NAALADL2: variants seen among roughly 807,000 people sequenced by gnomAD.
NAALADL2 encodes the protein inactive N-acetylated-alpha-linked acidic dipeptidase-like protein 2.
A neutral mutation model predicts 87.2 loss-of-function variants in NAALADL2; 76 were observed. That is an observed-to-expected ratio of 0.87 (90% CI 0.72 to 1.05). The LOEUF is 1.05. Ranked by LOEUF, NAALADL2 falls within the 50% of genes least tolerant of loss-of-function variation. The probability of loss-of-function intolerance (pLI) is 0.00; values close to 1 mark genes in which losing one functional copy is unlikely to be tolerated. For missense variants in NAALADL2, 1,089 were observed against 945.8 expected, an observed-to-expected ratio of 1.15 and a Z score of -1.99; for synonymous variants, 354 against 331.0, an observed-to-expected ratio of 1.07 and a Z score of -0.75.
At chr3:175,345,846 A>G (rs531390624) in intron 5 of NAALADL2, among the ~76,000 whole-genome samples, 1 of 152,256 alleles carries the variant, frequency 6.6e-6, no homozygotes, top group African/African-American at 2.4e-5. Flanking sequence ...GAAGACAGCA[A>G]CATGATCTTC....
chr3:174,720,786 C>T (rs1731641957), intron 2 of NAALADL2, among the ~76,000 whole-genome samples: 1 of 152,076 alleles, frequency 6.6e-6, no homozygotes, highest in South Asian at 2.1e-4. Context: ...ATTTTACTAC[C>T]AGTTTGGGTA....
rs76734994 is a variant in NAALADL2 at position 174,972,601 on chromosome 3, A to G, written c.43+113151A>G. Reference sequence around the variant, plus strand: ...TTACCTCTTTAAAAGCTGTATCCCCAAATACAATGCTATTTTAAAGTACTG... The same window carrying G: ...TTACCTCTTTAAAAGCTGTATCCCCGAATACAATGCTATTTTAAAGTACTG... On this transcript the variant is annotated intron_variant, in intron 1 of 13. Transcript: ENST00000454872. Among the ~76,000 whole-genome samples, 1,282 of 152,266 alleles carry G rather than the reference A, an allele frequency of 8.4e-3. 12 individuals are homozygous for G. The highest frequency in any genetic ancestry group is 0.027 in the African/African-American group (1,137 of 41,534).
intron 2 of NAALADL2, among the ~76,000 whole-genome samples, chr3:174,710,469 G>T (rs543602297): frequency 6.6e-6 from 1 of 152,132 alleles, no homozygotes; most frequent in South Asian, 2.1e-4. Flanking sequence ...GGCCAGGCTG[G>T]CCTTGAACTC....
At chr3:175,762,881 G>A (rs1347667151) in intron 13 of NAALADL2, among the ~76,000 whole-genome samples, 2 of 152,036 alleles carry the variant, frequency 1.3e-5, no homozygotes, top group African/African-American at 4.8e-5. Context: ...TCGGGAGACC[G>A]AGACCATCCT....
At chr3:174,835,133 T>C (rs1458659138) in intron 3 of NAALADL2, among the ~76,000 whole-genome samples, 3 of 151,972 alleles carry the variant, frequency 2.0e-5, no homozygotes, top group African/African-American at 4.8e-5. Flanking sequence ...CAGAAATAAA[T>C]GTACACATAT....
At chr3:175,385,504 AG>A (rs971643473) in intron 5 of NAALADL2, among the ~76,000 whole-genome samples, 7 of 152,132 alleles carry the variant, frequency 4.6e-5, no homozygotes, top group Admixed American at 3.3e-4. Context: ...GAAAGAAAAA[AG>A]GTAGACTAAT....
chr3:175,246,703 A>C (rs1016520599), intron 3 of NAALADL2, among the ~76,000 whole-genome samples: 15 of 152,182 alleles, frequency 9.9e-5, no homozygotes, highest in South Asian at 2.1e-4. Flanking sequence ...TCTTTTAATT[A>C]CTTTTCTGTT....
At chr3:175,581,467 A>C (rs912970840) in intron 10 of NAALADL2, among the ~76,000 whole-genome samples, 2 of 152,198 alleles carry the variant, frequency 1.3e-5, no homozygotes, top group Non-Finnish European at 2.9e-5. Context: ...ATAAAGCCTG[A>C]ATACAAGACA....
chr3:175,183,750 A>G (rs1475816234), intron 2 of NAALADL2, among the ~76,000 whole-genome samples: 1 of 151,954 alleles, frequency 6.6e-6, no homozygotes, highest in Admixed American at 6.6e-5. Context: ...TGTTGAGGAC[A>G]TTTGCATCTA....
intron 4 of NAALADL2, among the ~76,000 whole-genome samples, chr3:175,283,898 A>C (rs1367063264): frequency 6.6e-6 from 1 of 152,154 alleles, no homozygotes; most frequent in African/African-American, 2.4e-5. Context: ...GGAAGGCCTC[A>C]GATTCACTAT....
intron 3 of NAALADL2, among the ~76,000 whole-genome samples, chr3:174,851,160 C>A (rs1725195960): frequency 2.6e-5 from 4 of 151,766 alleles, no homozygotes; most frequent in Admixed American, 2.6e-4. Context: ...ATCAAAAGTA[C>A]AACTTCCAAA....
chr3:174,482,670 C>A (rs1484946147), intron 1 of NAALADL2, among the ~76,000 whole-genome samples: 1 of 151,914 alleles, frequency 6.6e-6, no homozygotes, highest in Non-Finnish European at 1.5e-5. Context: ...CACCACTCTC[C>A]CCTCCCAACC....
At chr3:174,631,318 A>G (rs965744097) in intron 2 of NAALADL2, among the ~76,000 whole-genome samples, 2 of 152,190 alleles carry the variant, frequency 1.3e-5, no homozygotes, top group Non-Finnish European at 2.9e-5. Flanking sequence ...AGTCTATGTG[A>G]GTGGTGGGAA....
At chr3:175,061,931 C>T (rs1482217238) in intron 1 of NAALADL2, among the ~76,000 whole-genome samples, 3 of 151,950 alleles carry the variant, frequency 2.0e-5, no homozygotes, top group African/African-American at 4.8e-5. Flanking sequence ...TGGGACTTAA[C>T]CACAACTGGA....
At chr3:174,600,023 A>G (rs966712533) in intron 2 of NAALADL2, among the ~76,000 whole-genome samples, 2 of 152,158 alleles carry the variant, frequency 1.3e-5, no homozygotes, top group African/African-American at 2.4e-5. Context: ...TTAGATAGGA[A>G]TAGCATTATT....
intron 4 of NAALADL2, among the ~76,000 whole-genome samples, chr3:175,290,245 C>A (rs1330299123): frequency 6.6e-6 from 1 of 151,968 alleles, no homozygotes; most frequent in East Asian, 1.9e-4. Context: ...CATAAAAGCC[C>A]CATACTGGAG....
At chr3:174,924,645 C>G (rs1735724895) in intron 1 of NAALADL2, among the ~76,000 whole-genome samples, 1 of 152,158 alleles carries the variant, frequency 6.6e-6, no homozygotes, top group South Asian at 2.1e-4. Context: ...ACACTGTCTT[C>G]CACAATGGTT....
intron 9 of NAALADL2, among the ~76,000 whole-genome samples, chr3:175,490,512 G>T (rs180815964): frequency 0.012 from 1,748 of 150,786 alleles, 34 homozygotes; most frequent in African/African-American, 0.041. Flanking sequence ...TCAGCCTCCC[G>T]AGTAGCTGGG....
chr3:174,751,577 T>C (rs1483471332), intron 3 of NAALADL2, among the ~76,000 whole-genome samples: 2 of 151,136 alleles, frequency 1.3e-5, no homozygotes, highest in African/African-American at 4.9e-5. Context: ...GCAGGAGAAT[T>C]GCTTGAGCCC....
Sources: allele counts gnomAD v4.1 joint callset (sites outside exome capture counted in the v4.1 genomes callset), GRCh38; gene constraint gnomAD v4.1.1; transcripts MANE v1.5; gene names NCBI Gene and HGNC (gene_info 2026-07-23, HGNC 2026-07-21).